RREB1: variants seen among roughly 807,000 people sequenced by gnomAD.
RREB1 encodes ras responsive element binding protein 1, also known as ras-responsive element-binding protein 1.
Under a neutral mutation model 117.8 loss-of-function variants are expected in RREB1, and 27 were observed. That is an observed-to-expected ratio of 0.23 (90% CI 0.17 to 0.32). The LOEUF is 0.32. Ranked by LOEUF, RREB1 falls within the 10% of genes least tolerant of loss-of-function variation. The pLI is 1.00. For missense variants in RREB1, 2,577 were observed against 2,378.2 expected, an observed-to-expected ratio of 1.08 and a Z score of -1.74; for synonymous variants, 1,298 against 1,026.7, an observed-to-expected ratio of 1.26 and a Z score of -5.05.
intron 6 of RREB1, among the ~76,000 whole-genome samples, chr6:7,194,685 T>C (rs141831970): frequency 6.6e-6 from 1 of 152,330 alleles, no homozygotes; most frequent in East Asian, 1.9e-4. Context: ...TGGAAATCTC[T>C]TAAATTTTTG....
intron 6 of RREB1, among the ~76,000 whole-genome samples, chr6:7,205,079 T>G (rs1561779673): frequency 6.6e-6 from 1 of 152,208 alleles, no homozygotes; most frequent in South Asian, 2.1e-4. Context: ...AAAATGTCAG[T>G]GTCCTGGTCA....
At position 7,228,761 on chromosome 6, in the gene RREB1, G is replaced by A. The variant is rs563560848; in HGVS notation, c.898-236G>A. Among the ~76,000 whole-genome samples, 157 of 151,998 alleles carry A rather than the reference G, an allele frequency of 1.0e-3. 4 individuals carry two copies. In the South Asian group the frequency reaches 0.032, roughly 31 times the overall value. On this transcript the variant is annotated intron_variant, in intron 9 of 12. Coordinates refer to ENST00000379938, the MANE Select transcript of RREB1 (RefSeq NM_001003699.4). ...GGCCTCAAGTGATCCTCCCGCCTCA[G>A]TCTCTGGAGTAGCTGGGACTAGAGG...
chr6:7,228,688 T>A (rs929482597), intron 9 of RREB1, among the ~76,000 whole-genome samples: 2 of 151,856 alleles, frequency 1.3e-5, no homozygotes, highest in African/African-American at 4.8e-5. Context: ...TATTTTTTTT[T>A]ATAGAGACAA....
At chr6:7,193,547 C>A (rs957543060) in intron 6 of RREB1, among the ~76,000 whole-genome samples, 2 of 152,154 alleles carry the variant, frequency 1.3e-5, no homozygotes, top group Non-Finnish European at 2.9e-5. Flanking sequence ...AGATTGAGTA[C>A]CCCATATCCA....
Position 7,251,049 on chromosome 6 carries a change from T to C in RREB1, c.*2081T>C, listed in dbSNP as rs1769386346. On this transcript the variant is annotated 3_prime_UTR_variant, in exon 13 of 13. Transcript: ENST00000379938. ...TTTGGGGTTTCTTGTGTTTTTTCTT[T>C]GCGACTCTCCACACTAAACTTGCAA... The C allele has an allele frequency of 6.6e-6, 1 of 152,106 alleles. No homozygotes were observed. The highest frequency in any genetic ancestry group is 1.5e-5 in the Non-Finnish European group (1 of 68,030). 9.4% of individuals were successfully genotyped at this position (152,106 alleles called of 1,614,324 possible).
chr6:7,230,508 C>T lies in RREB1; in HGVS notation c.2409C>T (p.Arg803=), dbSNP rs1368881479. The change falls in exon 10 of 13, where the codon CGC becomes CGT. Residue 803 remains arginine (R), a synonymous_variant. Coordinates refer to ENST00000379938, the MANE Select transcript of RREB1 (RefSeq NM_001003699.4). ...GCAGCGCCGCGTTCGCGGCCAAGCG[C>T]AACTGCATCCACCACATCCTCAAGC... ...KECSAAFAAK[R]NCIHHILKQH... is the part of the protein sequence containing the mutation. The T allele has an allele frequency of 6.3e-7, 1 of 1,593,666 alleles. No homozygotes were observed. Among genetic ancestry groups the T allele is most frequent in the Non-Finnish European group, 8.5e-7 (1 of 1,176,198 alleles).
chr6:7,115,893 G>A (rs144750637), intron 1 of RREB1, among the ~76,000 whole-genome samples: 1 of 152,290 alleles, frequency 6.6e-6, no homozygotes, highest in African/African-American at 2.4e-5. Flanking sequence ...CTGCCGTCCT[G>A]ACGTATGTCT....
chr6:7,139,346 A>G (rs1410486674), intron 1 of RREB1: 4 of 152,198 alleles, frequency 2.6e-5, no homozygotes, highest in African/African-American at 9.7e-5. Context: ...AAAAAGGGAT[A>G]GTGTAGAAAT....
chr6:7,206,491 C>T (rs1766282154), intron 6 of RREB1, among the ~76,000 whole-genome samples: 1 of 152,230 alleles, frequency 6.6e-6, no homozygotes, highest in Non-Finnish European at 1.5e-5. Flanking sequence ...GTTTGTTCTT[C>T]CATCCAGCAA....
chr6:7,184,193 A>G (rs1356358400), intron 4 of RREB1, among the ~76,000 whole-genome samples: 1 of 151,930 alleles, frequency 6.6e-6, no homozygotes, highest in African/African-American at 2.4e-5. Flanking sequence ...CCTATAAAAA[A>G]CAAAAACAGA....
At chr6:7,137,819 G>A (rs781106486) in intron 1 of RREB1, among the ~76,000 whole-genome samples, 3 of 152,122 alleles carry the variant, frequency 2.0e-5, no homozygotes, top group Non-Finnish European at 4.4e-5. Flanking sequence ...TGCAGCCTCA[G>A]CTTTCAGAGT....
intron 1 of RREB1, among the ~76,000 whole-genome samples, chr6:7,140,440 G>GTGC (rs1348671189): frequency 6.6e-6 from 1 of 152,150 alleles, no homozygotes; most frequent in African/African-American, 2.4e-5. Flanking sequence ...AGTTAGCACA[G>GTGC]TAACTCGTAA....
chr6:7,164,291 C>G (rs994280060), intron 1 of RREB1, among the ~76,000 whole-genome samples: 2 of 152,176 alleles, frequency 1.3e-5, no homozygotes, highest in African/African-American at 4.8e-5. Flanking sequence ...ATCCCCACTG[C>G]CCATCTCCTT....
At position 7,231,584 on chromosome 6, in the gene RREB1, G is replaced by T. The variant is rs201015406; in HGVS notation, c.3485G>T (p.Arg1162Leu). ...KRGRKRGMRS[R>L]PRANSGGVDL... ...GGCCGGAAAAGGGGGATGAGGAGCC[G>T]ACCCCGCGCCAACAGCGGCGGGGTG... is the stretch of plus-strand genomic sequence containing the variant. The change falls in exon 10 of 13, where the codon CGA (arginine) becomes CTA (leucine). Residue 1162 changes from arginine (R) to leucine (L), a missense_variant. Arg to Leu is a moderately radical substitution (Grantham distance 102, BLOSUM62 -2). Coordinates refer to ENST00000379938, the MANE Select transcript of RREB1 (RefSeq NM_001003699.4). 3 of 1,611,510 alleles carry T rather than the reference G, an allele frequency of 1.9e-6. No individual in the cohort carries two copies. Among genetic ancestry groups the T allele is most frequent in the Non-Finnish European group, 1.7e-6 (2 of 1,179,184 alleles).
At chr6:7,242,648 C>CG (rs1561806223) in intron 11 of RREB1, among the ~76,000 whole-genome samples, 26 of 151,326 alleles carry the variant, frequency 1.7e-4, no homozygotes, top group Admixed American at 5.9e-4. Flanking sequence ...GGGTTCCCCC[C>CG]CCCCAGTGAA....
chr6:7,251,345 G>A lies in RREB1; in HGVS notation c.*2377G>A, dbSNP rs1249618858. 2 of 151,854 alleles carry A rather than the reference G, an allele frequency of 1.3e-5. No individual in the cohort carries two copies. Among genetic ancestry groups the A allele is most frequent in the South Asian group, 2.1e-4 (1 of 4,818 alleles). 9.4% of individuals were successfully genotyped at this position (151,854 alleles called of 1,614,324 possible). On this transcript the variant is annotated 3_prime_UTR_variant, in exon 13 of 13. Coordinates refer to ENST00000379938, the MANE Select transcript of RREB1 (RefSeq NM_001003699.4). ...AATTTGTGATTTGTTTAAACTCTGGGTGAATCATAGCTTAGTTTGCATGTC... is the reference window on the plus strand; with the variant it reads ...AATTTGTGATTTGTTTAAACTCTGGATGAATCATAGCTTAGTTTGCATGTC...
chr6:7,146,220 G>A (rs1267086335), intron 1 of RREB1, among the ~76,000 whole-genome samples: 1 of 152,206 alleles, frequency 6.6e-6, no homozygotes, highest in Non-Finnish European at 1.5e-5. Context: ...GCGGCTGTGG[G>A]CCTCAGCCTT....
At chr6:7,179,121 A>G (rs1184021050) in intron 2 of RREB1, among the ~76,000 whole-genome samples, 1 of 151,644 alleles carries the variant, frequency 6.6e-6, no homozygotes, top group African/African-American at 2.4e-5. Flanking sequence ...CCTCCTCTCC[A>G]CTTCCTTCCC....
Position 7,230,562 on chromosome 6 carries a change from C to G in RREB1, c.2463C>G (p.Ile821Met), listed in dbSNP as rs757016217. ...ACCTGCACGTGCCCGAGCAGGACAT[C>G]GAGAGCTACGTGCTGGCCGCCGACG... ...KQHLHVPEQD[I>M]ESYVLAADGL... Residue 821 changes from isoleucine (I) to methionine (M), a missense_variant, in exon 10 of 13, where the codon ATC (isoleucine) becomes ATG (methionine). Physicochemically the swap from Ile to Met is conservative, Grantham distance 10. Transcript: ENST00000379938. 3.1e-6 allele frequency: 5 copies of G among 1,601,202 alleles called. No homozygotes were observed. Among genetic ancestry groups the G allele is most frequent in the Non-Finnish European group, 3.4e-6 (4 of 1,176,446 alleles).
Sources: gnomAD v4.1 joint callset for allele counts (sites outside exome capture counted in the v4.1 genomes callset) on GRCh38, gnomAD v4.1.1 for gene constraint, MANE v1.5 for transcripts, NCBI Gene and HGNC (gene_info 2026-07-23, HGNC 2026-07-21) for gene names.